Variants in DLGAP2 observed in about 807,000 individuals in gnomAD.
The protein encoded by DLGAP2 is disks large-associated protein 2.
In DLGAP2, 26 loss-of-function variants were observed where a neutral mutation model predicts 100.3. The ratio of observed to expected loss-of-function variants is 0.26; its 90% confidence interval spans 0.19 to 0.36. DLGAP2 has a LOEUF of 0.36. DLGAP2 is among the 10% of genes least tolerant of loss of function. The pLI, the probability that DLGAP2 is intolerant of heterozygous loss-of-function variation, is 1.00. For missense variants in DLGAP2, 1,858 were observed against 1,453.2 expected (o/e 1.28, Z -4.53); for synonymous variants, 886 against 630.1 (o/e 1.41, Z -6.08).
intron 14 of DLGAP2, among the ~76,000 whole-genome samples, chr8:1,699,142 G>T (rs1799498498): frequency 6.6e-6 from 1 of 152,354 alleles, no homozygotes; most frequent in East Asian, 1.9e-4. Flanking sequence ...GTTCCGTCTA[G>T]TCTCCATTCT....
intron 2 of DLGAP2, among the ~76,000 whole-genome samples, chr8:1,018,241 A>G (rs1004317280): frequency 1.3e-5 from 2 of 152,106 alleles, no homozygotes; most frequent in Non-Finnish European, 2.9e-5. Context: ...CAGATGCGTT[A>G]TCCCAGACTC....
chr8:1,420,745 T>G (rs1195951526), intron 3 of DLGAP2, among the ~76,000 whole-genome samples: 1 of 152,114 alleles, frequency 6.6e-6, no homozygotes, highest in Non-Finnish European at 1.5e-5. Flanking sequence ...CTCAGCTCCC[T>G]GGCTCGGTGG....
intron 2 of DLGAP2, chr8:1,018,767 C>T (rs1214987366): frequency 6.6e-6 from 1 of 152,190 alleles, no homozygotes; most frequent in Non-Finnish European, 1.5e-5. Flanking sequence ...TTTCAGCAGT[C>T]ACTTTAACTA....
intron 3 of DLGAP2, among the ~76,000 whole-genome samples, chr8:1,308,642 C>T (rs1800545995): frequency 6.6e-6 from 1 of 152,208 alleles, no homozygotes; most frequent in Non-Finnish European, 1.5e-5. Context: ...TCTCCTGCCT[C>T]AGCCTCCTGA....
chr8:774,749 T>C (rs1250517205), intron 1 of DLGAP2, among the ~76,000 whole-genome samples: 3 of 150,698 alleles, frequency 2.0e-5, no homozygotes, highest in Non-Finnish European at 4.4e-5. Flanking sequence ...TTGGTTACTG[T>C]AGCCTTGTAG....
chr8:1,314,896 A>C (rs559016314), intron 3 of DLGAP2, among the ~76,000 whole-genome samples: 1 of 152,348 alleles, frequency 6.6e-6, no homozygotes, highest in African/African-American at 2.4e-5. Flanking sequence ...GAAGAAAAAT[A>C]CTACATGTTT....
chr8:908,071 G>C (rs1490102942), intron 2 of DLGAP2, 105 bp downstream of exon 2: 1 of 395,468 alleles, frequency 2.5e-6, no homozygotes, highest in African/African-American at 2.1e-5. Flanking sequence ...TTTTTATTTT[G>C]TGGGTTGTTT....
intron 6 of DLGAP2, among the ~76,000 whole-genome samples, chr8:1,596,852 G>A (rs1028615993): frequency 1.3e-5 from 2 of 152,134 alleles, no homozygotes; most frequent in African/African-American, 4.8e-5. Context: ...TTGCTGTGCA[G>A]AAGTTATTTA....
chr8:998,145 A>G (rs1378211626), intron 2 of DLGAP2, among the ~76,000 whole-genome samples: 1 of 152,190 alleles, frequency 6.6e-6, no homozygotes, highest in Admixed American at 6.5e-5. Flanking sequence ...ACATGTGCAT[A>G]CACAACACAC....
chr8:849,324 G>A (rs150800010), intron 1 of DLGAP2, among the ~76,000 whole-genome samples: 169 of 152,380 alleles, frequency 1.1e-3, no homozygotes, highest in African/African-American at 3.7e-3. Context: ...ACAGGAACGA[G>A]CCGGTGTTTC....
chr8:786,085 G>C (rs1821854486), intron 1 of DLGAP2, among the ~76,000 whole-genome samples: 1 of 152,212 alleles, frequency 6.6e-6, no homozygotes, highest in Non-Finnish European at 1.5e-5. Context: ...TCCGTAACCG[G>C]GACCAAAGCC....
chr8:967,537 A>G (rs536533612), intron 2 of DLGAP2, among the ~76,000 whole-genome samples: 14 of 151,706 alleles, frequency 9.2e-5, no homozygotes, highest in Non-Finnish European at 1.8e-4. Flanking sequence ...AGGATGTGAA[A>G]CCTAGAATTC....
intron 2 of DLGAP2, among the ~76,000 whole-genome samples, chr8:1,059,193 G>A (rs1221135599): frequency 6.6e-6 from 1 of 152,004 alleles, no homozygotes; most frequent in African/African-American, 2.4e-5. Flanking sequence ...GGATCCTCTT[G>A]GCTTCACTTA....
At chr8:903,292 G>T (rs1798300328) in intron 1 of DLGAP2, among the ~76,000 whole-genome samples, 1 of 152,078 alleles carries the variant, frequency 6.6e-6, no homozygotes, top group Admixed American at 6.5e-5. Context: ...TGTAGGATAA[G>T]CGAGTTGTAG....
intron 3 of DLGAP2, among the ~76,000 whole-genome samples, chr8:1,360,659 C>A (rs889657699): frequency 2.0e-5 from 3 of 152,254 alleles, no homozygotes; most frequent in Admixed American, 6.5e-5. Flanking sequence ...CTGAAGGCAA[C>A]TGCAGCTCTC....
intron 1 of DLGAP2, among the ~76,000 whole-genome samples, chr8:854,065 C>A (rs1797231182): frequency 6.6e-6 from 1 of 152,184 alleles, no homozygotes; most frequent in Non-Finnish European, 1.5e-5. Flanking sequence ...AGAGTGGAAT[C>A]CGCTGTGCCT....
At chr8:1,688,965 T>C (rs1422038054) in intron 12 of DLGAP2, among the ~76,000 whole-genome samples, 1 of 152,226 alleles carries the variant, frequency 6.6e-6, no homozygotes, top group Admixed American at 6.5e-5. Context: ...GCGGTTCTTT[T>C]TCCCGAAAGT....
At chr8:1,291,392 A>T (rs10106530) in intron 3 of DLGAP2, among the ~76,000 whole-genome samples, 1 of 152,028 alleles carries the variant, frequency 6.6e-6, no homozygotes, top group African/African-American at 2.4e-5. Flanking sequence ...TTACTCTCTA[A>T]AGTCACAATT....
chr8:1,183,074 G>T (rs549696925), intron 2 of DLGAP2, among the ~76,000 whole-genome samples: 3 of 152,230 alleles, frequency 2.0e-5, no homozygotes, highest in African/African-American at 7.2e-5. Flanking sequence ...GAGTGCTTTC[G>T]GTAAGAGCTG....
Sources: allele counts gnomAD v4.1 joint callset (sites outside exome capture counted in the v4.1 genomes callset), GRCh38; gene constraint gnomAD v4.1.1; transcripts MANE v1.5; gene names NCBI Gene and HGNC (gene_info 2026-07-23, HGNC 2026-07-21).